Variants in SYNE2 observed in about 807,000 individuals in gnomAD.
SYNE2 encodes the protein nesprin-2.
Under a neutral mutation model 856.3 loss-of-function variants are expected in SYNE2, and 431 were observed. The ratio of observed to expected loss-of-function variants is 0.50; its 90% CI spans 0.47 to 0.55. The LOEUF (loss-of-function observed/expected upper bound fraction) is 0.55. Ranked by LOEUF, SYNE2 falls within the 20% of genes least tolerant of loss-of-function variation. The pLI, the probability that SYNE2 is intolerant of heterozygous loss-of-function variation, is 0.00. For missense variants in SYNE2, 8,129 were observed against 8,023.2 expected (o/e 1.01, Z -0.50); for synonymous variants, 2,923 against 2,872.3 (o/e 1.02, Z -0.56).
At chr14:64,141,875 T>A in intron 81 of SYNE2, 67 bp from the exon 82 acceptor site, 2 of 1,547,720 alleles carry the variant, frequency 1.3e-6, no homozygotes, top group Non-Finnish European at 8.8e-7. Context: ...AGATATCATC[T>A]TTAGTGATGC....
At chr14:63,924,834 GTTTTTTTTTTTTT>G (rs1160819887) in intron 2 of SYNE2, among the ~76,000 whole-genome samples, 4 of 56,416 alleles carry the variant, frequency 7.1e-5, no homozygotes, top group Admixed American at 4.6e-4. Flanking sequence ...CAGCCTTGGT[GTTTTTTTTTTTTT>G]TTTTTTTTTT....
intron 1 of SYNE2, among the ~76,000 whole-genome samples, chr14:63,890,749 C>T (rs1305176004): frequency 1.3e-5 from 2 of 152,212 alleles, no homozygotes; most frequent in African/African-American, 4.8e-5. Flanking sequence ...CCCCAAACTA[C>T]ATTTGCTAGG....
Position 64,051,872 on chromosome 14 carries a change from G to A in SYNE2, c.7959G>A (p.Leu2653=). The change falls in exon 48 of 116, where the codon CTG becomes CTA. Residue 2653 remains leucine, a synonymous_variant. Coordinates refer to ENST00000555002, the MANE Select transcript of SYNE2 (RefSeq NM_182914.3). ...AGCAGCAACATCTACAGTTAAGGCT[G>A]AAGTCTCCAGAAGAACGGGCAGGGA... ...QQQQQHLQLR[L]KSPEERAGNQ... 6.2e-7 allele frequency: 1 copy of A among 1,614,020 alleles called. No homozygotes were observed. Among genetic ancestry groups the A allele is most frequent in the South Asian group, 1.1e-5 (1 of 91,078 alleles).
chr14:63,988,971 T>G (rs999047432), intron 19 of SYNE2, among the ~76,000 whole-genome samples: 3 of 152,230 alleles, frequency 2.0e-5, no homozygotes, highest in Non-Finnish European at 4.4e-5. Context: ...CTGTGAGTTG[T>G]AATTAAAAAA....
At chr14:64,082,097 A>T (rs2097528842) in intron 57 of SYNE2, among the ~76,000 whole-genome samples, 1 of 151,974 alleles carries the variant, frequency 6.6e-6, no homozygotes, top group African/African-American at 2.4e-5. Flanking sequence ...AAAAAAAAAA[A>T]GAATGTGCAT....
At chr14:63,989,801 C>T (rs2096653468) in intron 19 of SYNE2, among the ~76,000 whole-genome samples, 1 of 152,050 alleles carries the variant, frequency 6.6e-6, no homozygotes, top group South Asian at 2.1e-4. Context: ...CAGGCGTGTG[C>T]CACCATGACC....
At chr14:64,072,500 CTCCT>C (rs1166573948) in intron 52 of SYNE2, among the ~76,000 whole-genome samples, 2 of 90,312 alleles carry the variant, frequency 2.2e-5, no homozygotes, top group Middle Eastern at 5.7e-3. Context: ...ACCTATACTT[CTCCT>C]TTTTTTTTTT....
In SYNE2 at chr14:64,213,012, G is replaced by T; in HGVS notation, c.19056+7G>T. 1 of 1,612,710 alleles carries T rather than the reference G, an allele frequency of 6.2e-7. No individual in the cohort carries two copies. Among genetic ancestry groups the T allele is most frequent in the Admixed American group, 1.7e-5 (1 of 60,024 alleles). On this transcript the variant is annotated splice_region_variant and intron_variant, in intron 105 of 115. Transcript: ENST00000555002. ...GCTCACCTCCTGCACTCCGGTACGGGCACTGCTGCCTAGAAATGGCACCTG... is the reference window on the plus strand; with the variant it reads ...GCTCACCTCCTGCACTCCGGTACGGTCACTGCTGCCTAGAAATGGCACCTG...
At position 64,158,531 on chromosome 14, in the gene SYNE2, T is replaced by C. The variant is rs1595895695; in HGVS notation, c.15793-94T>C. On this transcript the variant is annotated intron_variant, in intron 85 of 115. Coordinates refer to ENST00000555002, the MANE Select transcript of SYNE2 (RefSeq NM_182914.3). ...CTGGTGATCCTTCAATACTCTCAAA[T>C]TGAAATGCCTAAATTGGACACAATG... 4 of 1,396,088 alleles carry C rather than the reference T, an allele frequency of 2.9e-6. No individual in the cohort carries two copies. The Admixed American group carries it at 5.3e-5, about 19-fold the overall frequency. 86.5% of individuals were successfully genotyped at this position (1,396,088 alleles called of 1,614,324 possible). A position where few individuals can be genotyped will look rare whatever the true frequency, so the allele number is the denominator to read the frequency against.
At chr14:63,880,425 T>C (rs2094832190) in intron 1 of SYNE2, among the ~76,000 whole-genome samples, 2 of 152,218 alleles carry the variant, frequency 1.3e-5, no homozygotes, top group African/African-American at 4.8e-5. Context: ...GTGGGTTACA[T>C]ATTTTTCATT....
intron 8 of SYNE2, among the ~76,000 whole-genome samples, chr14:63,959,294 T>G (rs1405102328): frequency 1.5e-5 from 2 of 133,798 alleles, no homozygotes; most frequent in Non-Finnish European, 3.2e-5. Flanking sequence ...CTTCTTTTTT[T>G]TTTTTTTTTT....
Position 64,126,355 on chromosome 14 carries a change from A to C in SYNE2, c.13583A>C (p.Asn4528Thr). ...AATATGACAGAAGAAGCATATATCA[A>C]TTTGGATAAAAAATTGTTTGAACTA... The part of the protein sequence containing the change: ...QENMTEEAYI[N>T]LDKKLFELFL... The change falls in exon 72 of 116, where the codon AAT (asparagine) becomes ACT (threonine). Residue 4528 changes from asparagine to threonine, a missense_variant. This residue lies in a region of SYNE2 where 5,410 missense variants were observed against 5,284.8 expected (regional missense o/e 1.02). Coordinates refer to ENST00000555002, the MANE Select transcript of SYNE2 (RefSeq NM_182914.3). 6.2e-7 allele frequency: 1 copy of C among 1,614,068 alleles called. No homozygotes were observed.
At chr14:64,146,355 T>G in intron 84 of SYNE2, 132 bp downstream of exon 84, 1 of 836,190 alleles carries the variant, frequency 1.2e-6, no homozygotes, top group East Asian at 2.9e-5. Flanking sequence ...TATTTTCTTA[T>G]GTCAATTAGA....
At position 64,051,648 on chromosome 14, in the gene SYNE2, A is replaced by G; in HGVS notation, c.7735A>G (p.Ile2579Val). 6.2e-7 allele frequency: 1 copy of G among 1,614,190 alleles called. No homozygotes were observed. Among genetic ancestry groups the G allele is most frequent in the South Asian group, 1.1e-5 (1 of 91,086 alleles). ...GAAAGATTCTTTAGGCAACTTGAAA[A>G]TCAAATGGGAGAATTTATCAAACCA... ...KEKDSLGNLKIKWENLSNHVT... is the reference protein window; with the variant it reads ...KEKDSLGNLKVKWENLSNHVT... Residue 2579 changes from isoleucine to valine, a missense_variant, in exon 48 of 116, where the codon ATC becomes GTC. Coordinates refer to ENST00000555002, the MANE Select transcript of SYNE2 (RefSeq NM_182914.3).
rs1302661449 is a variant in SYNE2 at position 63,983,733 on chromosome 14, A to G, written c.2002-4A>G. On this transcript the variant is annotated splice_region_variant and splice_polypyrimidine_tract_variant and intron_variant, in intron 17 of 115. Transcript: ENST00000555002. ...ATTACATTTCATGAAATTATTTTGT[A>G]TAGGAAATGAACCTGCCACTGATGA... The G allele has an allele frequency of 1.9e-6, 3 of 1,610,070 alleles. No individual in the cohort carries two copies. The highest frequency in any genetic ancestry group is 2.2e-5 in the South Asian group (2 of 90,770).
intron 104 of SYNE2, 71 bp downstream of exon 104, chr14:64,212,169 A>G: frequency 6.2e-7 from 1 of 1,607,504 alleles, no homozygotes; most frequent in Non-Finnish European, 8.5e-7. Flanking sequence ...GCCAAGTGCA[A>G]ATTTCACACG....
chr14:64,103,211 A>G (rs918667202), intron 64 of SYNE2, among the ~76,000 whole-genome samples: 85 of 152,122 alleles, frequency 5.6e-4, no homozygotes, highest in Non-Finnish European at 1.2e-3. Flanking sequence ...TTTTGAGGAA[A>G]ACTCCATATA....
At chr14:63,904,667 CT>C (rs2095384657) in intron 1 of SYNE2, among the ~76,000 whole-genome samples, 1 of 151,736 alleles carries the variant, frequency 6.6e-6, no homozygotes, top group Non-Finnish European at 1.5e-5. Context: ...ATGGGGTTGT[CT>C]TTTGCTTGTT....
intron 18 of SYNE2, among the ~76,000 whole-genome samples, chr14:63,985,673 C>A (rs796345446): frequency 1.3e-5 from 2 of 151,972 alleles, no homozygotes; most frequent in East Asian, 3.9e-4. Flanking sequence ...AGTAAGAAAC[C>A]GTGAACAAAC....
Sources: allele counts gnomAD v4.1 joint callset (sites outside exome capture counted in the v4.1 genomes callset), GRCh38; gene constraint gnomAD v4.1.1; regional missense constraint gnomAD v4.1.1; transcripts MANE v1.5; gene names NCBI Gene and HGNC (gene_info 2026-07-23, HGNC 2026-07-21).